Variants in OLA1 observed in about 807,000 individuals in gnomAD.
The protein encoded by OLA1 is Obg like ATPase 1, also known as obg-like ATPase 1.
OLA1 carries 14 observed loss-of-function variants against 48.4 expected under a neutral mutation model. The ratio of observed to expected loss-of-function variants is 0.29; its 90% CI spans 0.19 to 0.45. OLA1 has a LOEUF of 0.45. OLA1 is among the 20% of genes least tolerant of loss of function. The pLI is 1.00. For missense variants in OLA1, 325 were observed against 467.1 expected (o/e 0.70, Z 2.80); for synonymous variants, 127 against 150.4 (o/e 0.84, Z 1.14).
At chr2:174,164,388 T>TGCA (rs1336618491) in intron 4 of OLA1, among the ~76,000 whole-genome samples, 1 of 149,450 alleles carries the variant, frequency 6.7e-6, no homozygotes, top group Non-Finnish European at 1.5e-5. Flanking sequence ...CCATTCTGTT[T>TGCA]TATGTTTGGT....
chr2:174,205,076 T>C (rs1688078541), intron 4 of OLA1, among the ~76,000 whole-genome samples: 1 of 152,250 alleles, frequency 6.6e-6, no homozygotes, highest in African/African-American at 2.4e-5. Flanking sequence ...TGGTTCTACA[T>C]TTAAATTATC....
chr2:174,181,427 A>G (rs1005639938), intron 4 of OLA1, among the ~76,000 whole-genome samples: 2 of 152,180 alleles, frequency 1.3e-5, no homozygotes, highest in African/African-American at 4.8e-5. Flanking sequence ...TTTTTTAAAG[A>G]TGGGTGATAT....
chr2:174,147,400 C>T (rs1340606244), intron 4 of OLA1, among the ~76,000 whole-genome samples: 1 of 151,988 alleles, frequency 6.6e-6, no homozygotes, highest in Non-Finnish European at 1.5e-5. Flanking sequence ...GCACTCCAGC[C>T]TGGGCAACGA....
At position 174,081,226 on chromosome 2, in the gene OLA1, C is replaced by A; in HGVS notation, c.892G>T (p.Ala298Ser). ...TCTAGTTGGAGTGCTGCAAACCCAG[C>A]CTTAATGATCTTTGGCAAAGCACTG... ...TQSALPKIIK[A>S]GFAALQLEYF... The change falls in exon 9 of 11, where the codon GCT becomes TCT. Residue 298 changes from alanine (A) to serine (S), a missense_variant. Physicochemically the swap from Ala to Ser is moderately conservative, Grantham distance 99. Transcript: ENST00000284719. The A allele has an allele frequency of 6.2e-7, 1 of 1,610,938 alleles. No individual in the cohort carries two copies. Among genetic ancestry groups the A allele is most frequent in the Non-Finnish European group, 8.5e-7 (1 of 1,178,868 alleles).
intron 4 of OLA1, among the ~76,000 whole-genome samples, chr2:174,153,365 A>G (rs1158464492): frequency 6.6e-6 from 1 of 152,160 alleles, no homozygotes; most frequent in Non-Finnish European, 1.5e-5. Flanking sequence ...TAAAGCAGTG[A>G]AAAACAATAT....
At chr2:174,142,121 T>C (rs1686467653) in intron 4 of OLA1, 121 bp from the exon 5 acceptor site, 1 of 885,444 alleles carries the variant, frequency 1.1e-6, no homozygotes, top group Non-Finnish European at 1.7e-6. Context: ...CTCTGGCTTC[T>C]TGGCAAGTAG....
At chr2:174,209,614 T>C (rs1426831439) in intron 4 of OLA1, among the ~76,000 whole-genome samples, 1 of 151,782 alleles carries the variant, frequency 6.6e-6, no homozygotes, top group East Asian at 1.9e-4. Flanking sequence ...GATAAGGAGA[T>C]TCAAGAAGTA....
At chr2:174,161,681 TACACACACACACAC>T (rs55713860) in intron 4 of OLA1, among the ~76,000 whole-genome samples, 122 of 141,170 alleles carry the variant, frequency 8.6e-4, no homozygotes, top group African/African-American at 2.9e-3. Context: ...AAAAAAAAAA[TACACACACACACAC>T]ACACACACAC....
Position 174,096,941 on chromosome 2 carries a change from A to G in OLA1, c.729-14877T>C, listed in dbSNP as rs192319287. 3.9e-5 allele frequency among the ~76,000 whole-genome samples: 6 copies of G among 152,302 alleles called. No homozygotes were observed. The East Asian group carries it at 1.2e-3, about 29-fold the overall frequency. On this transcript the variant is annotated intron_variant, in intron 7 of 10. Transcript: ENST00000284719. Reference sequence around the variant, plus strand: ...GGGAAGCCAAGGCGGGCAGATCACGAGGTCAGGAGTTCGAGACCAGCCTGG... The same window carrying G: ...GGGAAGCCAAGGCGGGCAGATCACGGGGTCAGGAGTTCGAGACCAGCCTGG...
intron 5 of OLA1, among the ~76,000 whole-genome samples, chr2:174,141,167 G>A (rs1049305133): frequency 2.1e-4 from 32 of 152,226 alleles, no homozygotes; most frequent in Middle Eastern, 3.4e-3. Flanking sequence ...TCTGATCTCA[G>A]GTGATCCACC....
At chr2:174,117,364 C>T (rs947287384) in intron 7 of OLA1, among the ~76,000 whole-genome samples, 1 of 152,138 alleles carries the variant, frequency 6.6e-6, no homozygotes, top group Non-Finnish European at 1.5e-5. Context: ...CAAAGAGCTA[C>T]TTATAGTAGC....
chr2:174,143,874 T>G (rs1055272465), intron 4 of OLA1, among the ~76,000 whole-genome samples: 1 of 152,018 alleles, frequency 6.6e-6, no homozygotes, highest in African/African-American at 2.4e-5. Flanking sequence ...GTGGCCAAGG[T>G]GGGAGGATCA....
At chr2:174,089,719 T>C (rs1446348104) in intron 7 of OLA1, among the ~76,000 whole-genome samples, 3 of 151,834 alleles carry the variant, frequency 2.0e-5, no homozygotes, top group South Asian at 4.1e-4. Flanking sequence ...CTGGGCAACA[T>C]GGTGAAACGA....
intron 4 of OLA1, among the ~76,000 whole-genome samples, chr2:174,202,897 G>A (rs1427603125): frequency 6.6e-6 from 1 of 152,070 alleles, no homozygotes; most frequent in Admixed American, 6.6e-5. Context: ...AGATTTTGGG[G>A]AGTCAGAATC....
At chr2:174,230,989 C>G (rs1574568327) in intron 2 of OLA1, among the ~76,000 whole-genome samples, 1 of 152,340 alleles carries the variant, frequency 6.6e-6, no homozygotes, top group Non-Finnish European at 1.5e-5. Flanking sequence ...AGGATCCAGA[C>G]TTTATACACA....
rs778630084 is a variant in OLA1, at chr2:174,123,607, C to T, written c.618G>A (p.Trp206Ter). 2 of 1,589,452 alleles carry T rather than the reference C, an allele frequency of 1.3e-6. No homozygotes were observed. Among genetic ancestry groups the T allele is most frequent in the Non-Finnish European group, 1.7e-6 (2 of 1,168,814 alleles). Residue 206 changes from tryptophan to a stop codon, truncating the protein, a stop_gained, in exon 6 of 11, where the codon TGG (tryptophan) becomes TGA (stop). Coordinates refer to ENST00000284719, the MANE Select transcript of OLA1 (RefSeq NM_013341.5). LOFTEE classifies it high-confidence loss of function. ...QKKPVRFYHDWNDKEIEVLNK... is the reference protein window; with the variant it reads ...QKKPVRFYHD ...ATTTACAACTTACCTCTTTGTCATTCCAATCATGATAGAAGCGAACAGGTT... is the reference window on the plus strand; with the variant it reads ...ATTTACAACTTACCTCTTTGTCATTTCAATCATGATAGAAGCGAACAGGTT...
chr2:174,114,471 C>T (rs1318913855), intron 7 of OLA1, among the ~76,000 whole-genome samples: 1 of 151,392 alleles, frequency 6.6e-6, no homozygotes, highest in Non-Finnish European at 1.5e-5. Context: ...TGCTAGTGAC[C>T]TTCATGTTGG....
intron 4 of OLA1, among the ~76,000 whole-genome samples, chr2:174,218,472 C>T (rs1688415554): frequency 6.6e-6 from 1 of 152,150 alleles, no homozygotes; most frequent in Non-Finnish European, 1.5e-5. Context: ...ACCTAACTTT[C>T]ACCTCAGCAG....
intron 1 of OLA1, chr2:174,247,780 T>G: frequency 6.4e-7 from 1 of 1,550,644 alleles, no homozygotes; most frequent in Non-Finnish European, 8.7e-7. Flanking sequence ...CTATTTCTAA[T>G]GGTAAATTAA....
Sources: gnomAD v4.1 joint callset for allele counts (sites outside exome capture counted in the v4.1 genomes callset) on GRCh38, gnomAD v4.1.1 for gene constraint, MANE v1.5 for transcripts, NCBI Gene and HGNC (gene_info 2026-07-23, HGNC 2026-07-21) for gene names.